The following DOCK11 variants were observed in gnomAD, a reference collection of about 807,000 sequenced individuals.
DOCK11 encodes the protein dedicator of cytokinesis 11.
A neutral mutation model predicts 169.1 loss-of-function variants in DOCK11; 70 were observed. That is an observed-to-expected ratio of 0.41 (90% CI 0.34 to 0.51). The LOEUF is 0.51. Ranked by LOEUF, DOCK11 falls within the 20% of genes least tolerant of loss-of-function variation. The pLI, the probability that DOCK11 is intolerant of heterozygous loss-of-function variation, is 0.10. For synonymous variants in DOCK11, 529 were observed against 541.3 expected, an observed-to-expected ratio of 0.98 and a Z score of 0.32; for missense variants, 1,166 against 1,538.8, an observed-to-expected ratio of 0.76 and a Z score of 4.05.
chrX:118,633,920 A>G (rs1243616478), intron 35 of DOCK11: 1 of 112,801 alleles, frequency 8.9e-6, no homozygotes, highest in Non-Finnish European at 1.9e-5. Context: ...GAGTTCCGCA[A>G]TAAAGAAAAG....
chrX:118,636,828 T>TACACAC (rs765702693), intron 36 of DOCK11, among the ~76,000 whole-genome samples: 1,379 of 100,528 alleles, frequency 0.014, 22 homozygotes, highest in African/African-American at 0.045. Flanking sequence ...TATTTGTGTG[T>TACACAC]ACACACACAC....
Position 118,578,516 on chromosome X carries a change from T to C in DOCK11, c.1390-9T>C. On this transcript the variant is annotated splice_polypyrimidine_tract_variant and intron_variant, in intron 12 of 52. Coordinates refer to ENST00000276202, the MANE Select transcript of DOCK11 (RefSeq NM_144658.4). ...ATAAGAAAGTCTAACGGAAGTACTT[T>C]TTTCCCAGGGAATTTTCTCAGTGAC... 8.3e-7 allele frequency: 1 copy of C among 1,206,547 alleles called. No individual in the cohort carries two copies. Among genetic ancestry groups the C allele is most frequent in the Non-Finnish European group, 1.1e-6 (1 of 892,457 alleles).
chrX:118,510,009 T>C (rs1280895311), intron 1 of DOCK11, among the ~76,000 whole-genome samples: 2 of 112,256 alleles, frequency 1.8e-5, no homozygotes, highest in South Asian at 3.7e-4. Context: ...CTTTCACTTA[T>C]AAGGACCTTG....
At chrX:118,653,378 G>C (rs113005189) in intron 42 of DOCK11, among the ~76,000 whole-genome samples, 2 of 110,411 alleles carry the variant, frequency 1.8e-5, no homozygotes, top group Non-Finnish European at 3.8e-5. Flanking sequence ...TTTAAAGGGA[G>C]TCAAAGCCAG....
At chrX:118,670,922 C>T in intron 45 of DOCK11, 101 bp from the exon 46 acceptor site, 1 of 765,732 alleles carries the variant, frequency 1.3e-6, no homozygotes, top group Non-Finnish European at 1.8e-6. Flanking sequence ...GAATTTAGTA[C>T]CATCTGTTTG....
intron 38 of DOCK11, 123 bp from the exon 39 acceptor site, chrX:118,641,067 G>A: frequency 1.9e-6 from 1 of 514,592 alleles, no homozygotes; most frequent in South Asian, 2.6e-5. Context: ...GGGATTACAG[G>A]CATGAGCCAC....
chrX:118,679,918 A>ATTTTTTTTTT (rs55756738), intron 48 of DOCK11, among the ~76,000 whole-genome samples: 2 of 55,434 alleles, frequency 3.6e-5, no homozygotes, highest in African/African-American at 8.6e-5. Flanking sequence ...GATTACAGTA[A>ATTTTTTTTTT]TTTTTTTTTT....
chrX:118,636,270 C>A, intron 35 of DOCK11, 76 bp from the exon 36 acceptor site: 1 of 574,623 alleles, frequency 1.7e-6, no homozygotes, highest in East Asian at 3.8e-5. Context: ...CTTGAAGCTA[C>A]ATAGGACTTG....
At chrX:118,505,176 A>G (rs12833164) in intron 1 of DOCK11, among the ~76,000 whole-genome samples, 13,816 of 110,830 alleles carry the variant, frequency 0.12, 648 homozygotes, top group Middle Eastern at 0.2. Flanking sequence ...GGTGTGCACC[A>G]CCATTGCCCG....
intron 2 of DOCK11, 23 bp downstream of exon 2, chrX:118,542,864 A>G (rs375754481): frequency 9.3e-5 from 111 of 1,196,683 alleles, no homozygotes; most frequent in Non-Finnish European, 1.2e-4. Context: ...ACACTTCTTT[A>G]AAGAAAAAAA....
intron 42 of DOCK11, 56 bp downstream of exon 42, chrX:118,652,133 A>G: frequency 2.6e-6 from 2 of 759,768 alleles, no homozygotes; most frequent in Non-Finnish European, 3.9e-6. Flanking sequence ...AGGGAAGTTT[A>G]AACTCTTAAA....
rs374786442 is a variant in DOCK11 at position 118,593,244 on chromosome X, C to A, written c.2170C>A (p.Gln724Lys). Reference sequence around the variant, plus strand: ...AATTGAGCTTCCCATTCACCTACATCAAAAACATCATTTGCTTTTCACTTT... The same window carrying A: ...AATTGAGCTTCCCATTCACCTACATAAAAAACATCATTTGCTTTTCACTTT... ...IKIELPIHLH[Q>K]KHHLLFTFYH... is the part of the protein sequence containing the mutation. Residue 724 changes from glutamine (Q) to lysine (K), a missense_variant, in exon 20 of 53, where the codon CAA becomes AAA. Coordinates refer to ENST00000276202, the MANE Select transcript of DOCK11 (RefSeq NM_144658.4). 4.6e-5 allele frequency: 55 copies of A among 1,200,036 alleles called. No individual in the cohort carries two copies. Among genetic ancestry groups the A allele is most frequent in the Admixed American group, 2.5e-4 (11 of 44,415 alleles).
chrX:118,681,267 A>G lies in DOCK11; in HGVS notation c.5862+19A>G. Reference sequence around the variant, plus strand: ...TGTGCAGGTACGTTGGTCATCCAACATGTATTGAATGTTTCTTGATGTTTC... The same window carrying G: ...TGTGCAGGTACGTTGGTCATCCAACGTGTATTGAATGTTTCTTGATGTTTC... On this transcript the variant is annotated intron_variant, in intron 50 of 52. Transcript: ENST00000276202. 1 of 1,126,023 alleles carries G rather than the reference A, an allele frequency of 8.9e-7. No homozygotes were observed. The highest frequency in any genetic ancestry group is 1.2e-6 in the Non-Finnish European group (1 of 851,743). 92.8% of individuals were successfully genotyped at this position (1,126,023 alleles called of 1,213,427 possible).
intron 1 of DOCK11, among the ~76,000 whole-genome samples, chrX:118,521,791 A>T (rs2011272803): frequency 8.9e-6 from 1 of 111,975 alleles, no homozygotes; most frequent in South Asian, 3.7e-4. Context: ...GTATTTGAGT[A>T]GTTTTCTATT....
At chrX:118,572,300 G>A (rs780542915) in intron 10 of DOCK11, 23 bp from the exon 11 acceptor site, 3 of 1,109,207 alleles carry the variant, frequency 2.7e-6, no homozygotes, top group Non-Finnish European at 3.6e-6. Flanking sequence ...TTTTGAAAAT[G>A]ATTCATACTA....
chrX:118,684,819 T>C lies in DOCK11; in HGVS notation c.6103-869T>C, dbSNP rs2016822928. Among the ~76,000 whole-genome samples, 3 of 111,804 alleles carry C rather than the reference T, an allele frequency of 2.7e-5. No homozygotes were observed. In the Admixed American group the frequency reaches 2.9e-4, roughly 11 times the overall value. On this transcript the variant is annotated intron_variant, in intron 52 of 52. Coordinates refer to ENST00000276202, the MANE Select transcript of DOCK11 (RefSeq NM_144658.4). ...TTTGTAAGAGGAAATTTCTCTATTA[T>C]AAATTTTATTTAAGCCTTATGATTT... is the stretch of plus-strand genomic sequence containing the variant.
chrX:118,573,760 C>A, intron 11 of DOCK11, 46 bp from the exon 12 acceptor site: 1 of 1,092,348 alleles, frequency 9.2e-7, no homozygotes. Context: ...CCCGCCATGC[C>A]CCCACTAAAG....
intron 1 of DOCK11, among the ~76,000 whole-genome samples, chrX:118,503,314 G>A (rs1052176903): frequency 1.8e-5 from 2 of 111,425 alleles, no homozygotes; most frequent in African/African-American, 6.5e-5. Flanking sequence ...ACCCACCTCT[G>A]CCTCCCAAAG....
chrX:118,504,684 C>T (rs963237178), intron 1 of DOCK11, among the ~76,000 whole-genome samples: 1 of 111,998 alleles, frequency 8.9e-6, no homozygotes, highest in Non-Finnish European at 1.9e-5. Flanking sequence ...GAGATTTACC[C>T]CTCTTGGTTT....
Sources: allele counts gnomAD v4.1 joint callset (sites outside exome capture counted in the v4.1 genomes callset), GRCh38; gene constraint gnomAD v4.1.1; transcripts MANE v1.5; gene names NCBI Gene and HGNC (gene_info 2026-07-23, HGNC 2026-07-21).